RBFOX1: variants seen among roughly 807,000 people sequenced by gnomAD.
RBFOX1 encodes RNA binding protein fox-1 homolog 1.
In RBFOX1, 8 loss-of-function variants were observed where a neutral mutation model predicts 57.7. The observed-to-expected ratio is 0.14, with a 90% confidence interval of 0.08 to 0.25. The LOEUF is 0.25. Among genes scored for constraint, RBFOX1 ranks in the 10% least tolerant of loss-of-function variants. The pLI is 1.00. For missense variants in RBFOX1, 611 were observed against 548.5 expected (o/e 1.11, Z -1.14); for synonymous variants, 326 against 222.4 (o/e 1.47, Z -4.15).
intron 4 of RBFOX1, among the ~76,000 whole-genome samples, chr16:7,066,246 C>T (rs189636252): frequency 1.3e-5 from 2 of 152,270 alleles, no homozygotes; most frequent in East Asian, 1.9e-4. Flanking sequence ...GGGAATTGAA[C>T]CCAGGTCTAT....
At chr16:6,459,753 G>A (rs56944339) in intron 2 of RBFOX1, among the ~76,000 whole-genome samples, 1,945 of 151,814 alleles carry the variant, frequency 0.013, 33 homozygotes, top group African/African-American at 0.036. Flanking sequence ...GAGGTGGGCG[G>A]ATCACCTGAG....
intron 4 of RBFOX1, among the ~76,000 whole-genome samples, chr16:5,969,346 C>A (rs2059916276): frequency 8.5e-6 from 1 of 118,192 alleles, no homozygotes; most frequent in Admixed American, 1.1e-4. Flanking sequence ...GAGTCTCTCA[C>A]TGTCACCCGG....
intron 3 of RBFOX1, among the ~76,000 whole-genome samples, chr16:6,946,438 C>G (rs1288431008): frequency 6.6e-6 from 1 of 152,208 alleles, no homozygotes; most frequent in African/African-American, 2.4e-5. Flanking sequence ...TGAAAATAAG[C>G]TGTTACCCAC....
At chr16:7,502,599 G>A (rs1471111940) in intron 4 of RBFOX1, among the ~76,000 whole-genome samples, 1 of 151,960 alleles carries the variant, frequency 6.6e-6, no homozygotes, top group Non-Finnish European at 1.5e-5. Context: ...TGTTTGTTTT[G>A]TTTTTTTAAT....
At position 5,799,709 on chromosome 16, in the gene RBFOX1, T is replaced by C. The variant is rs139955672; in HGVS notation, c.319-67594T>C. ...TGTGATGTTCGGTTGGTGAGGCATA[T>C]TGAATCCATTTTTGACTTAACAATA... On this transcript the variant is annotated intron_variant, in intron 3 of 19. Coordinates refer to the RBFOX1 transcript ENST00000641259. Among the ~76,000 whole-genome samples, 31 of 152,284 alleles carry C rather than the reference T, an allele frequency of 2.0e-4. No homozygotes were observed. In the East Asian group the frequency reaches 5.6e-3, roughly 28 times the overall value.
intron 4 of RBFOX1, among the ~76,000 whole-genome samples, chr16:5,906,365 A>G (rs969682797): frequency 2.0e-5 from 3 of 152,212 alleles, no homozygotes; most frequent in Admixed American, 6.5e-5. Context: ...AAAAGCAGAG[A>G]TCAAGGTAAT....
At chr16:7,438,602 C>T (rs112429846) in intron 4 of RBFOX1, among the ~76,000 whole-genome samples, 1 of 152,184 alleles carries the variant, frequency 6.6e-6, no homozygotes, top group African/African-American at 2.4e-5. Flanking sequence ...GTGTGCGTGT[C>T]TGCATTTAGC....
At chr16:5,887,740 G>A (rs2057936023) in intron 4 of RBFOX1, among the ~76,000 whole-genome samples, 1 of 152,042 alleles carries the variant, frequency 6.6e-6, no homozygotes, top group African/African-American at 2.4e-5. Flanking sequence ...GAAAATGTAG[G>A]GCCAGAGACA....
intron 2 of RBFOX1, among the ~76,000 whole-genome samples, chr16:5,598,749 C>G (rs1010633757): frequency 1.3e-5 from 2 of 152,154 alleles, no homozygotes; most frequent in Non-Finnish European, 1.5e-5. Flanking sequence ...CAGGTCTTGA[C>G]CCCTGCAGGG....
chr16:6,573,780 G>A (rs574631050), intron 2 of RBFOX1: 9 of 152,310 alleles, frequency 5.9e-5, no homozygotes, highest in Admixed American at 5.9e-4. Context: ...GAATGTCGCT[G>A]GCTGCCGTTC....
At chr16:5,646,723 C>T (rs1051001824) in intron 3 of RBFOX1, among the ~76,000 whole-genome samples, 4 of 152,170 alleles carry the variant, frequency 2.6e-5, no homozygotes, top group African/African-American at 4.8e-5. Context: ...CAACCTCTGT[C>T]TTCCAGGTTC....
chr16:5,303,668 C>G (rs1055219244), intron 1 of RBFOX1, among the ~76,000 whole-genome samples: 5 of 152,098 alleles, frequency 3.3e-5, no homozygotes, highest in African/African-American at 4.8e-5. Flanking sequence ...AAAAAGGAAC[C>G]AGGCCTTATA....
At chr16:6,402,952 C>T (rs1419324065) in intron 2 of RBFOX1, among the ~76,000 whole-genome samples, 1 of 152,152 alleles carries the variant, frequency 6.6e-6, no homozygotes. Flanking sequence ...TGGATTAATA[C>T]ATCACATTTT....
intron 2 of RBFOX1, among the ~76,000 whole-genome samples, chr16:5,554,890 C>T (rs1288769898): frequency 1.3e-5 from 2 of 152,200 alleles, no homozygotes; most frequent in African/African-American, 2.4e-5. Flanking sequence ...GTACAACCTA[C>T]AGACCTTGAG....
At chr16:6,581,550 C>G (rs1246502080) in intron 2 of RBFOX1, among the ~76,000 whole-genome samples, 1 of 152,154 alleles carries the variant, frequency 6.6e-6, no homozygotes, top group Non-Finnish European at 1.5e-5. Context: ...TGAGTGCCAA[C>G]AGGGGATGGC....
At chr16:5,510,393 C>G (rs1597353079) in intron 2 of RBFOX1, among the ~76,000 whole-genome samples, 1 of 152,156 alleles carries the variant, frequency 6.6e-6, no homozygotes, top group Non-Finnish European at 1.5e-5. Context: ...CCATTTGGAA[C>G]TGGGAGATAG....
At chr16:6,833,675 T>G (rs1208657613) in intron 3 of RBFOX1, among the ~76,000 whole-genome samples, 1 of 152,220 alleles carries the variant, frequency 6.6e-6, no homozygotes, top group African/African-American at 2.4e-5. Flanking sequence ...TAGAATTGAC[T>G]GGATGCCAAA....
At chr16:7,085,099 G>C (rs993133091) in intron 4 of RBFOX1, among the ~76,000 whole-genome samples, 1 of 106,918 alleles carries the variant, frequency 9.4e-6, no homozygotes, top group Non-Finnish European at 1.6e-5. Context: ...ATCTAAAGTT[G>C]TGTGTGTGTG....
chr16:5,399,466 A>G (rs77878147), intron 1 of RBFOX1, among the ~76,000 whole-genome samples: 1 of 152,206 alleles, frequency 6.6e-6, no homozygotes, highest in Admixed American at 6.5e-5. Flanking sequence ...TAATCACCCC[A>G]TTGGGAGAAT....
Sources: allele counts gnomAD v4.1 joint callset (sites outside exome capture counted in the v4.1 genomes callset), GRCh38; gene constraint gnomAD v4.1.1; transcripts MANE v1.5; gene names NCBI Gene and HGNC (gene_info 2026-07-23, HGNC 2026-07-21).